Variants in TMEM232 observed in about 807,000 individuals in gnomAD.
The protein encoded by TMEM232 is transmembrane protein 232.
A neutral mutation model predicts 78.8 loss-of-function variants in TMEM232; 80 were observed. The ratio of observed to expected loss-of-function variants is 1.01; its 90% CI spans 0.85 to 1.22. The LOEUF (loss-of-function observed/expected upper bound fraction) is 1.22. Ranked by LOEUF, TMEM232 falls within the 50% of genes most tolerant of loss-of-function variation. The probability of loss-of-function intolerance (pLI) is 0.00; values close to 1 mark genes in which losing one functional copy is unlikely to be tolerated. For missense variants in TMEM232, 881 were observed against 742.2 expected (o/e 1.19, Z -2.17); for synonymous variants, 297 against 254.3 (o/e 1.17, Z -1.60).
intron 10 of TMEM232, among the ~76,000 whole-genome samples, chr5:110,599,742 A>G (rs1458322336): frequency 6.6e-6 from 1 of 152,184 alleles, no homozygotes; most frequent in Non-Finnish European, 1.5e-5. Context: ...CCCACTGTCA[A>G]TATTAGACAG....
At position 110,389,115 on chromosome 5, in the gene TMEM232, G is replaced by T. The variant is rs564012903; in HGVS notation, n.616-1062C>A. ...GTCTCTACTAAAAGTGCAAAAATTA[G>T]CTGGTCAAGTTGGCACATGCCTGTT... On this transcript the variant is annotated intron_variant and non_coding_transcript_variant, in intron 4 of 8. Coordinates refer to the TMEM232 transcript ENST00000507188. Among the ~76,000 whole-genome samples, 22 of 152,216 alleles carry T rather than the reference G, an allele frequency of 1.4e-4. 1 individual carries two copies. Among genetic ancestry groups the T allele is most frequent in the Admixed American group, 5.9e-4 (9 of 15,278 alleles).
chr5:110,672,529 G>T (rs1007572127), intron 1 of TMEM232, among the ~76,000 whole-genome samples: 2 of 151,974 alleles, frequency 1.3e-5, no homozygotes, highest in African/African-American at 4.8e-5. Flanking sequence ...TTGACTAAGA[G>T]TAATGGGAAA....
chr5:110,610,803 T>C (rs1782177922), intron 8 of TMEM232, among the ~76,000 whole-genome samples: 2 of 151,992 alleles, frequency 1.3e-5, no homozygotes. Context: ...AACACTGTTA[T>C]CATAGAAGTC....
chr5:110,674,005 A>AG (rs1791707036), intron 1 of TMEM232, among the ~76,000 whole-genome samples: 1 of 150,512 alleles, frequency 6.6e-6, no homozygotes, highest in African/African-American at 2.4e-5. Flanking sequence ...AAAAAAAAAA[A>AG]GCAGTCTGAG....
chr5:110,734,607 G>A (rs768768057), intron 2 of TMEM232, among the ~76,000 whole-genome samples: 1 of 152,060 alleles, frequency 6.6e-6, no homozygotes, highest in Non-Finnish European at 1.5e-5. Context: ...AATAAACTCG[G>A]CAATTAAGAA....
At chr5:110,635,907 G>A (rs949889546) in intron 5 of TMEM232, among the ~76,000 whole-genome samples, 1 of 151,906 alleles carries the variant, frequency 6.6e-6, no homozygotes, top group African/African-American at 2.4e-5. Flanking sequence ...CCACTAGTGG[G>A]AATTTATCTT....
chr5:110,477,696 T>A (rs1202760234), intron 12 of TMEM232, among the ~76,000 whole-genome samples: 1 of 151,748 alleles, frequency 6.6e-6, no homozygotes, highest in Non-Finnish European at 1.5e-5. Flanking sequence ...TATAAACTGC[T>A]TACAAAAAAA....
At position 110,618,581 on chromosome 5, in the gene TMEM232, T is replaced by C; in HGVS notation, c.769-19A>G. 1 of 1,528,946 alleles carries C rather than the reference T, an allele frequency of 6.5e-7. No individual in the cohort carries two copies. Among genetic ancestry groups the C allele is most frequent in the Non-Finnish European group, 8.8e-7 (1 of 1,140,364 alleles). The allele number at this position is 1,528,946 out of a possible 1,614,324, so 94.7% of individuals were successfully genotyped here. A position where few individuals can be genotyped will look rare whatever the true frequency, so the allele number is the denominator to read the frequency against. On this transcript the variant is annotated intron_variant, in intron 7 of 13. Coordinates refer to ENST00000455884, the MANE Select transcript of TMEM232 (RefSeq NM_001039763.4). The stretch of plus-strand genomic sequence containing the variant: ...ATCCTCCCTGATTAAATTGCAAATG[T>C]TTCAGGAATTAAAATATAAAAATAT...
intron 12 of TMEM232, among the ~76,000 whole-genome samples, chr5:110,442,930 C>A (rs559344578): frequency 6.6e-6 from 1 of 152,300 alleles, no homozygotes; most frequent in South Asian, 2.1e-4. Flanking sequence ...TTCTTCCCAA[C>A]AAATGGAGGC....
chr5:110,658,977 C>A (rs148921014), intron 2 of TMEM232, among the ~76,000 whole-genome samples: 90 of 152,224 alleles, frequency 5.9e-4, no homozygotes, highest in African/African-American at 1.9e-3. Context: ...GCAAGGACAA[C>A]CCTTCTTGGG....
intron 12 of TMEM232, among the ~76,000 whole-genome samples, chr5:110,496,036 A>T (rs1277881742): frequency 6.6e-6 from 1 of 151,854 alleles, no homozygotes; most frequent in Non-Finnish European, 1.5e-5. Context: ...TTTATAATTC[A>T]ATCCTGTAAT....
In TMEM232 at chr5:110,618,542, G is replaced by A. The variant is rs1057016976; in HGVS notation, c.789C>T (p.His263=). The change falls in exon 8 of 14, where the codon CAC becomes CAT. Residue 263 remains histidine, a synonymous_variant. Transcript: ENST00000455884. The part of the protein sequence containing the change: ...DSDMGGYEIN[H]LLWHCVAAWS... The stretch of plus-strand genomic sequence containing the variant: ...AAGCAGCAACACAGTGCCAGAGCAG[G>A]TGGTTAATTTCATATCCTCCCTGAT... 5 of 1,548,984 alleles carry A rather than the reference G, an allele frequency of 3.2e-6. No homozygotes were observed. The highest frequency in any genetic ancestry group is 4.4e-6 in the Non-Finnish European group (5 of 1,146,252).
At chr5:110,424,252 AG>A (rs1341382461) in intron 13 of TMEM232, among the ~76,000 whole-genome samples, 1 of 152,204 alleles carries the variant, frequency 6.6e-6, no homozygotes, top group Non-Finnish European at 1.5e-5. Flanking sequence ...TTTTATTCAA[AG>A]AAAAAACCAG....
intron 12 of TMEM232, among the ~76,000 whole-genome samples, chr5:110,441,064 G>A (rs1758982406): frequency 6.6e-6 from 1 of 152,130 alleles, no homozygotes; most frequent in Admixed American, 6.6e-5. Flanking sequence ...TAACTGCTTT[G>A]ACGCAGGTAT....
chr5:110,568,733 C>T (rs752066479), intron 10 of TMEM232, 108 bp from the exon 11 acceptor site: 130 of 1,128,522 alleles, frequency 1.2e-4, no homozygotes, highest in Non-Finnish European at 1.5e-4. Context: ...TAATAATATT[C>T]TAAAGTCTGA....
chr5:110,663,838 T>C (rs889392465), intron 2 of TMEM232, among the ~76,000 whole-genome samples: 5 of 151,790 alleles, frequency 3.3e-5, no homozygotes, highest in Non-Finnish European at 7.4e-5. Context: ...TTAAAAATAA[T>C]AAATCATAAA....
At chr5:110,571,294 C>A (rs1581251446) in intron 10 of TMEM232, among the ~76,000 whole-genome samples, 2 of 152,144 alleles carry the variant, frequency 1.3e-5, no homozygotes, top group Admixed American at 6.6e-5. Context: ...TTATAAAAAT[C>A]TGTTAATTGA....
chr5:110,483,403 A>G (rs1013180705), intron 12 of TMEM232, among the ~76,000 whole-genome samples: 1 of 152,168 alleles, frequency 6.6e-6, no homozygotes, highest in Non-Finnish European at 1.5e-5. Flanking sequence ...GGGTAAAGGG[A>G]ATGTTTATAT....
intron 5 of TMEM232, among the ~76,000 whole-genome samples, chr5:110,636,073 C>T (rs148466285): frequency 0.01 from 1,530 of 151,962 alleles, 34 homozygotes; most frequent in African/African-American, 0.034. Context: ...CAATGCAATA[C>T]AATTTGGCAA....
Sources: gnomAD v4.1 joint callset for allele counts (sites outside exome capture counted in the v4.1 genomes callset) on GRCh38, gnomAD v4.1.1 for gene constraint, MANE v1.5 for transcripts, NCBI Gene and HGNC (gene_info 2026-07-23, HGNC 2026-07-21) for gene names.